The following MCTP1 variants were observed in gnomAD, a reference collection of about 807,000 sequenced individuals.
MCTP1 encodes multiple C2 and transmembrane domain containing 1, also known as multiple C2 and transmembrane domain-containing protein 1.
MCTP1 carries 69 observed loss-of-function variants against 120.6 expected under a neutral mutation model. The ratio of observed to expected loss-of-function variants is 0.57; its 90% CI spans 0.47 to 0.70. The LOEUF is 0.70. Ranked by LOEUF, MCTP1 falls within the 30% of genes least tolerant of loss-of-function variation. MCTP1 has a pLI of 0.00. For synonymous variants in MCTP1, 529 were observed against 493.1 expected (o/e 1.07, Z -0.96); for missense variants, 1,203 against 1,248.8 (o/e 0.96, Z 0.55).
chr5:95,209,050 C>G (rs1216246709), intron 1 of MCTP1, among the ~76,000 whole-genome samples: 1 of 152,160 alleles, frequency 6.6e-6, no homozygotes, highest in Admixed American at 6.5e-5. Flanking sequence ...CTTTATCACT[C>G]TTACTTCCAC....
At chr5:94,866,451 T>C (rs1796807476) in intron 17 of MCTP1, among the ~76,000 whole-genome samples, 1 of 151,830 alleles carries the variant, frequency 6.6e-6, no homozygotes, top group Non-Finnish European at 1.5e-5. Context: ...TTCTCCAAAG[T>C]ACTCTTACTC....
rs559610518 is a variant in MCTP1, at chr5:95,020,812, T to C, written c.721-3328A>G. Among the ~76,000 whole-genome samples the C allele has an allele frequency of 3.3e-5, 5 of 152,204 alleles. No individual in the cohort carries two copies. In the East Asian group the frequency reaches 7.7e-4, roughly 24 times the overall value. ...CCTATGTGTTTTCTTAGTTCTCACC[T>C]GGAATTGTAACACTGCCCATTAAAT... On this transcript the variant is annotated intron_variant, in intron 1 of 22. Transcript: ENST00000515393.
chr5:95,065,532 T>C (rs900016789), intron 1 of MCTP1, among the ~76,000 whole-genome samples: 6 of 152,146 alleles, frequency 3.9e-5, no homozygotes, highest in Admixed American at 6.5e-5. Context: ...TGAAAAGATA[T>C]AGGGAAAACA....
chr5:94,714,752 G>A (rs775159868), intron 20 of MCTP1, 25 bp downstream of exon 20: 6 of 1,322,558 alleles, frequency 4.5e-6, no homozygotes, highest in African/African-American at 1.4e-5. Context: ...CAGAAGAATG[G>A]GGCTCACAGG....
At chr5:95,072,112 T>TGTGTGTGTGTGTGTGTGTGTGTGTGTGA (rs1437713153) in intron 1 of MCTP1, among the ~76,000 whole-genome samples, 4 of 151,888 alleles carry the variant, frequency 2.6e-5, no homozygotes, top group African/African-American at 9.7e-5. Context: ...TGTGTGTGTG[T>TGTGTGTGTGTGTGTGTGTGTGTGTGTGA]GATTGGAGGT....
At chr5:95,213,845 C>A (rs1395562725) in intron 1 of MCTP1, among the ~76,000 whole-genome samples, 1 of 152,368 alleles carries the variant, frequency 6.6e-6, no homozygotes, top group South Asian at 2.1e-4. Context: ...CTTCCTTACA[C>A]CTTATACAAA....
At chr5:94,916,399 G>A (rs972619764) in intron 8 of MCTP1, among the ~76,000 whole-genome samples, 3 of 152,116 alleles carry the variant, frequency 2.0e-5, no homozygotes, top group Non-Finnish European at 4.4e-5. Flanking sequence ...CAGGGCCCCA[G>A]GTGTACTAAC....
intron 2 of MCTP1, among the ~76,000 whole-genome samples, chr5:95,009,056 AAGAGAGAGAGAGAGAGAGAG>A (rs201724037): frequency 0.013 from 1,653 of 129,536 alleles, 30 homozygotes; most frequent in Middle Eastern, 0.019. Flanking sequence ...GAGAGGGAGA[AAGAGAGAGAGAGAGAGAGAG>A]AGAGAGAGAG....
intron 1 of MCTP1, among the ~76,000 whole-genome samples, chr5:95,105,523 A>G (rs901446453): frequency 6.6e-5 from 10 of 152,114 alleles, no homozygotes; most frequent in Non-Finnish European, 1.3e-4. Flanking sequence ...ACATTTTAAA[A>G]GGGTCCTAGG....
At chr5:94,851,552 T>TA (rs1793703601) in intron 17 of MCTP1, among the ~76,000 whole-genome samples, 2 of 152,056 alleles carry the variant, frequency 1.3e-5, no homozygotes, top group Admixed American at 1.3e-4. Context: ...CATCCTTAAT[T>TA]TTAAACACAA....
At chr5:94,818,566 A>T (rs1784957685) in intron 17 of MCTP1, among the ~76,000 whole-genome samples, 1 of 152,216 alleles carries the variant, frequency 6.6e-6, no homozygotes, top group Non-Finnish European at 1.5e-5. Flanking sequence ...TAGACTATAA[A>T]ATAGATAAAG....
At chr5:94,841,530 A>C (rs1306911737) in intron 17 of MCTP1, among the ~76,000 whole-genome samples, 1 of 152,182 alleles carries the variant, frequency 6.6e-6, no homozygotes, top group Non-Finnish European at 1.5e-5. Flanking sequence ...GCAGCTGATT[A>C]GTCTCCCTGG....
intron 19 of MCTP1, among the ~76,000 whole-genome samples, chr5:94,718,538 A>G (rs1424026126): frequency 6.6e-6 from 1 of 152,182 alleles, no homozygotes; most frequent in East Asian, 1.9e-4. Flanking sequence ...TAATTAAACT[A>G]AAGAGCTTCT....
At chr5:94,864,136 A>C (rs1027373816) in intron 17 of MCTP1, among the ~76,000 whole-genome samples, 2 of 151,898 alleles carry the variant, frequency 1.3e-5, no homozygotes, top group African/African-American at 4.8e-5. Context: ...AGGAAAACCT[A>C]GGGAGAGAAT....
Position 95,061,525 on chromosome 5 carries a change from T to TC in MCTP1, c.721-44042dup, listed in dbSNP as rs1428545734. 3.7e-4 allele frequency among the ~76,000 whole-genome samples: 51 copies of TC among 136,654 alleles called. 2 individuals carry two copies. Among genetic ancestry groups the TC allele is most frequent in the Admixed American group, 3.6e-3 (45 of 12,538 alleles). 89.7% of individuals were successfully genotyped at this position (136,654 alleles called of 152,430 possible). On this transcript the variant is annotated intron_variant, in intron 1 of 22. Coordinates refer to ENST00000515393, the MANE Select transcript of MCTP1 (RefSeq NM_024717.7). Reference sequence around the variant, plus strand: ...ATCTCGGCTCACTGCAAGCTCCGCCTCCCGGGTTCACGCCATTCTCCTGCC... The same window carrying TC: ...ATCTCGGCTCACTGCAAGCTCCGCCTCCCCGGGTTCACGCCATTCTCCTGCC...
At chr5:94,859,244 G>C (rs923077562) in intron 17 of MCTP1, among the ~76,000 whole-genome samples, 1 of 151,620 alleles carries the variant, frequency 6.6e-6, no homozygotes, top group Non-Finnish European at 1.5e-5. Flanking sequence ...GTTGAGGCAC[G>C]CAATAGGCTC....
intron 2 of MCTP1, among the ~76,000 whole-genome samples, chr5:94,995,081 T>C (rs1832350611): frequency 6.6e-6 from 1 of 152,192 alleles, no homozygotes; most frequent in Non-Finnish European, 1.5e-5. Context: ...CACCTTGTGA[T>C]TGTGTGAGTC....
At chr5:94,815,365 A>G (rs1412158627) in intron 17 of MCTP1, among the ~76,000 whole-genome samples, 4 of 152,156 alleles carry the variant, frequency 2.6e-5, no homozygotes, top group African/African-American at 4.8e-5. Context: ...GCCCTGGCAG[A>G]TTTCCCCTTC....
chr5:95,033,315 A>G (rs1468142976), intron 1 of MCTP1, among the ~76,000 whole-genome samples: 1 of 152,054 alleles, frequency 6.6e-6, no homozygotes, highest in African/African-American at 2.4e-5. Flanking sequence ...GAACATAGAC[A>G]CAAAAACTGT....
Sources: gnomAD v4.1 joint callset for allele counts (sites outside exome capture counted in the v4.1 genomes callset) on GRCh38, gnomAD v4.1.1 for gene constraint, MANE v1.5 for transcripts, NCBI Gene and HGNC (gene_info 2026-07-23, HGNC 2026-07-21) for gene names.